The following ABCC1 variants were observed in gnomAD, a reference collection of about 807,000 sequenced individuals.
ABCC1 encodes ATP binding cassette subfamily C member 1 (ABCC1 blood group).
Under a neutral mutation model 172.9 loss-of-function variants are expected in ABCC1, and 83 were observed. That is an observed-to-expected ratio of 0.48 (90% CI 0.40 to 0.58). The LOEUF (loss-of-function observed/expected upper bound fraction) is 0.58, where lower values mean the gene tolerates loss of function less well. Ranked by LOEUF, ABCC1 falls within the 20% of genes least tolerant of loss-of-function variation. The pLI is 0.00. For missense variants in ABCC1, 1,817 were observed against 2,002.7 expected (o/e 0.91, Z 1.77); for synonymous variants, 937 against 825.2 (o/e 1.14, Z -2.32).
chr16:16,092,524 G>A (rs1240624602), intron 19 of ABCC1, among the ~76,000 whole-genome samples: 1 of 152,200 alleles, frequency 6.6e-6, no homozygotes, highest in Non-Finnish European at 1.5e-5. Flanking sequence ...TTAGCGTGGT[G>A]TTTTCAAGGT....
chr16:16,017,446 A>G (rs1439306359), intron 5 of ABCC1, among the ~76,000 whole-genome samples: 2 of 152,108 alleles, frequency 1.3e-5, no homozygotes, highest in Admixed American at 6.5e-5. Flanking sequence ...GTATAGGTAC[A>G]GGATGTGCAA....
At chr16:16,124,009 C>A (rs2045289366) in intron 24 of ABCC1, among the ~76,000 whole-genome samples, 1 of 152,078 alleles carries the variant, frequency 6.6e-6, no homozygotes, top group Non-Finnish European at 1.5e-5. Context: ...CAGAGTAAGA[C>A]CCCATCTCAA....
intron 16 of ABCC1, among the ~76,000 whole-genome samples, chr16:16,083,137 C>T (rs2060729115): frequency 6.6e-6 from 1 of 152,182 alleles, no homozygotes; most frequent in Admixed American, 6.5e-5. Context: ...AGGATATCAA[C>T]TCTTTGACTC....
At chr16:15,977,928 C>G (rs1707920755) in intron 1 of ABCC1, among the ~76,000 whole-genome samples, 1 of 152,150 alleles carries the variant, frequency 6.6e-6, no homozygotes. Context: ...AAGTTTTCTT[C>G]TTTTTACAGG....
Position 16,111,426 on chromosome 16 carries a change from T to C in ABCC1, c.2923T>C (p.Ser975Pro). 6.2e-7 allele frequency: 1 copy of C among 1,614,164 alleles called. No homozygotes were observed. The highest frequency in any genetic ancestry group is 1.6e-4 in the Middle Eastern group (1 of 6,062). ...CATGAAGGCCATCGGACTCTTCATCTCCTTCCTCAGCATCTTCCTTTTCAT... is the reference window on the plus strand; with the variant it reads ...CATGAAGGCCATCGGACTCTTCATCCCCTTCCTCAGCATCTTCCTTTTCAT... ...DYMKAIGLFI[S>P]FLSIFLFMCN... Residue 975 changes from serine to proline, a missense_variant, in exon 22 of 31, where the codon TCC (serine) becomes CCC (proline). This residue lies in a region of ABCC1 where 1,412 missense variants were observed against 1,600.3 expected (regional missense o/e 0.88). Transcript: ENST00000399410.
intron 1 of ABCC1, among the ~76,000 whole-genome samples, chr16:15,980,833 A>G (rs576956069): frequency 6.6e-6 from 1 of 152,282 alleles, no homozygotes; most frequent in South Asian, 2.1e-4. Flanking sequence ...CAAAAGTCCA[A>G]TTCCAAAGTC....
rs781368823 is a variant in ABCC1, at chr16:16,141,321, A to G, written c.*40A>G. 1.9e-6 allele frequency: 3 copies of G among 1,587,866 alleles called. No homozygotes were observed. Among genetic ancestry groups the G allele is most frequent in the Admixed American group, 1.7e-5 (1 of 59,632 alleles). On this transcript the variant is annotated 3_prime_UTR_variant, in exon 31 of 31. Transcript: ENST00000399410. ...ATATCTGGTCAGAACTGCAGGGCCT[A>G]TATGCCAGCGCCCAGGGAGGAGTCA...
intron 9 of ABCC1, 126 bp from the exon 10 acceptor site, chr16:16,048,016 G>A (rs1002080675): frequency 3.3e-6 from 4 of 1,224,130 alleles, no homozygotes; most frequent in Non-Finnish European, 4.7e-6. Context: ...TAGGTCGGGA[G>A]GGGAGGAGGA....
chr16:16,122,875 C>A (rs1218281364), intron 24 of ABCC1, among the ~76,000 whole-genome samples: 2 of 151,834 alleles, frequency 1.3e-5, no homozygotes, highest in East Asian at 1.9e-4. Flanking sequence ...CAGAGTGAGA[C>A]CCTGTCTCTG....
intron 7 of ABCC1, among the ~76,000 whole-genome samples, chr16:16,037,232 T>A (rs923647850): frequency 2.0e-5 from 3 of 152,224 alleles, no homozygotes; most frequent in Non-Finnish European, 4.4e-5. Context: ...ATCCTGCATG[T>A]TCTTGCTGTT....
At chr16:15,951,541 G>T (rs913508873) in intron 1 of ABCC1, among the ~76,000 whole-genome samples, 3 of 152,062 alleles carry the variant, frequency 2.0e-5, no homozygotes. Flanking sequence ...TTGACCTTGC[G>T]TATTTCTGCT....
At chr16:16,080,556 A>G (rs1486729475) in intron 16 of ABCC1, among the ~76,000 whole-genome samples, 1 of 152,124 alleles carries the variant, frequency 6.6e-6, no homozygotes, top group Non-Finnish European at 1.5e-5. Flanking sequence ...ACGTCCCTGG[A>G]AGTTTTGCTA....
At chr16:16,038,949 C>T (rs1216968233) in intron 7 of ABCC1, among the ~76,000 whole-genome samples, 2 of 152,126 alleles carry the variant, frequency 1.3e-5, no homozygotes, top group Non-Finnish European at 2.9e-5. Flanking sequence ...AGTTTGAATC[C>T]AGAAGCTCCT....
At chr16:16,016,035 A>T (rs1397398651) in intron 4 of ABCC1, among the ~76,000 whole-genome samples, 2 of 151,550 alleles carry the variant, frequency 1.3e-5, no homozygotes, top group African/African-American at 2.4e-5. Flanking sequence ...ACTACCCGTG[A>T]TGGAGCCGGC....
chr16:15,949,286 T>C (rs1439130614), upstream of ABCC1, among the ~76,000 whole-genome samples: 3 of 152,040 alleles, frequency 2.0e-5, no homozygotes, highest in Non-Finnish European at 4.4e-5. Context: ...CACGTTATTT[T>C]CCCCTGGTGA....
chr16:16,067,680 A>G (rs2050163378), intron 12 of ABCC1, among the ~76,000 whole-genome samples: 1 of 152,154 alleles, frequency 6.6e-6, no homozygotes. Context: ...TAACAATGAA[A>G]TGGCAGTGCT....
rs142629437 is a variant in ABCC1 at position 16,115,882 on chromosome 16, C to G, written c.3390+806C>G. ...AAAAATCTTACCATATTTATACAAG[C>G]CTTTCATTCTTTCTTTCTTTCTTTT... is the stretch of plus-strand genomic sequence containing the variant. On this transcript the variant is annotated intron_variant, in intron 23 of 30. Coordinates refer to ENST00000399410, the MANE Select transcript of ABCC1 (RefSeq NM_004996.4). Among the ~76,000 whole-genome samples the G allele has an allele frequency of 7.0e-4, 106 of 151,520 alleles. 1 individual carries two copies. In the East Asian group the frequency reaches 9.5e-3, roughly 14 times the overall value.
chr16:16,094,628 C>G (rs960504303), intron 19 of ABCC1: 1 of 152,282 alleles, frequency 6.6e-6, no homozygotes, highest in African/African-American at 2.4e-5. Context: ...ATTCTCCTGC[C>G]TCAGCCTCCC....
chr16:16,020,222 G>A (rs1468834270), intron 5 of ABCC1, among the ~76,000 whole-genome samples: 2 of 152,174 alleles, frequency 1.3e-5, no homozygotes, highest in African/African-American at 4.8e-5. Context: ...GTGCCCGGCT[G>A]TGGTCTGCCT....
Sources: gnomAD v4.1 joint callset for allele counts (sites outside exome capture counted in the v4.1 genomes callset) on GRCh38, gnomAD v4.1.1 for gene constraint, gnomAD v4.1.1 regional missense constraint, MANE v1.5 for transcripts, NCBI Gene and HGNC (gene_info 2026-07-23, HGNC 2026-07-21) for gene names.